Variants in AP2B1 observed in about 807,000 individuals in gnomAD.
AP2B1 encodes AP-2 complex subunit beta.
A neutral mutation model predicts 102.0 loss-of-function variants in AP2B1; 23 were observed. The observed-to-expected ratio is 0.23, with a 90% confidence interval of 0.16 to 0.32. AP2B1 has a LOEUF of 0.32. Among genes scored for constraint, AP2B1 ranks in the 10% least tolerant of loss-of-function variants. The pLI is 1.00. For synonymous variants in AP2B1, 381 were observed against 421.2 expected (o/e 0.90, Z 1.17); for missense variants, 541 against 1,157.4 (o/e 0.47, Z 7.73).
At chr17:35,669,989 T>G (rs898680833) in intron 14 of AP2B1, among the ~76,000 whole-genome samples, 2 of 152,222 alleles carry the variant, frequency 1.3e-5, no homozygotes, top group South Asian at 2.1e-4. Context: ...ATGCCACCTA[T>G]TTTCAGCTTG....
intron 5 of AP2B1, among the ~76,000 whole-genome samples, chr17:35,609,906 A>G (rs942176594): frequency 6.6e-6 from 1 of 152,198 alleles, no homozygotes; most frequent in African/African-American, 2.4e-5. Context: ...GCTTCTGTTT[A>G]TTATCCTTCA....
chr17:35,671,211 C>T (rs1223023972), intron 15 of AP2B1, among the ~76,000 whole-genome samples: 2 of 152,124 alleles, frequency 1.3e-5, no homozygotes, highest in East Asian at 1.9e-4. Context: ...CTGGTGTCAC[C>T]TAGAAAGAAC....
intron 21 of AP2B1, among the ~76,000 whole-genome samples, chr17:35,720,600 T>TTTTTTTTTA (rs2085357461): frequency 1.7e-5 from 2 of 118,068 alleles, no homozygotes; most frequent in Non-Finnish European, 3.4e-5. Context: ...TTTTTTTTTT[T>TTTTTTTTTA]AATATAGAGA....
At chr17:35,642,010 T>G in intron 12 of AP2B1, 35 bp downstream of exon 12, 1 of 1,509,146 alleles carries the variant, frequency 6.6e-7, no homozygotes, top group East Asian at 2.3e-5. Flanking sequence ...TGTTGATTTG[T>G]CTTGTTTCAA....
chr17:35,651,943 C>T (rs548718916), intron 13 of AP2B1, among the ~76,000 whole-genome samples: 27 of 152,122 alleles, frequency 1.8e-4, no homozygotes, highest in Non-Finnish European at 3.7e-4. Flanking sequence ...CTTCAAGTTT[C>T]GATGTAGATA....
At chr17:35,603,223 G>A (rs750448107) in intron 3 of AP2B1, among the ~76,000 whole-genome samples, 10 of 152,208 alleles carry the variant, frequency 6.6e-5, no homozygotes, top group Non-Finnish European at 1.3e-4. Flanking sequence ...TTTCCTTGTG[G>A]AAATACACCT....
intron 18 of AP2B1, among the ~76,000 whole-genome samples, chr17:35,708,455 A>C (rs587763835): frequency 2.6e-5 from 4 of 152,154 alleles, no homozygotes; most frequent in African/African-American, 9.6e-5. Flanking sequence ...AAAAAAACAA[A>C]CAAACAGGAT....
chr17:35,691,090 T>A (rs1022351324), intron 18 of AP2B1, among the ~76,000 whole-genome samples: 1 of 152,118 alleles, frequency 6.6e-6, no homozygotes, highest in African/African-American at 2.4e-5. Flanking sequence ...AATGTCTCTT[T>A]TTTTTTTCTT....
intron 17 of AP2B1, among the ~76,000 whole-genome samples, chr17:35,680,113 G>A (rs962423846): frequency 2.0e-5 from 3 of 151,750 alleles, no homozygotes; most frequent in African/African-American, 4.8e-5. Flanking sequence ...TCACCGTATT[G>A]GCCAGGCTGG....
At chr17:35,617,039 A>G (rs865985690) in intron 5 of AP2B1, among the ~76,000 whole-genome samples, 1 of 152,220 alleles carries the variant, frequency 6.6e-6, no homozygotes, top group African/African-American at 2.4e-5. Context: ...TAAGCCCCTA[A>G]TAATAACAAA....
At chr17:35,720,741 A>G (rs1318146970) in intron 21 of AP2B1, among the ~76,000 whole-genome samples, 4 of 149,244 alleles carry the variant, frequency 2.7e-5, no homozygotes, top group Non-Finnish European at 5.9e-5. Flanking sequence ...CCTGCCCCAT[A>G]TTTTTAAATG....
chr17:35,674,467 C>A lies in AP2B1; in HGVS notation c.2324+146C>A, dbSNP rs1213050067. On this transcript the variant is annotated intron_variant, in intron 17 of 21. Coordinates refer to ENST00000610402, the MANE Select transcript of AP2B1 (RefSeq NM_001030006.2). Reference sequence around the variant, plus strand: ...GCCTATAATCCCAGCATTTGGGAGGCCGAGACGGGCTGATTACCTGAGGTC... The same window carrying A: ...GCCTATAATCCCAGCATTTGGGAGGACGAGACGGGCTGATTACCTGAGGTC... 3.1e-6 allele frequency: 3 copies of A among 975,704 alleles called. No homozygotes were observed. The East Asian group carries it at 7.7e-5, about 25-fold the overall frequency. 60.4% of individuals were successfully genotyped at this position (975,704 alleles called of 1,614,324 possible).
At chr17:35,719,699 G>A (rs587640213) in intron 21 of AP2B1, among the ~76,000 whole-genome samples, 1 of 152,290 alleles carries the variant, frequency 6.6e-6, no homozygotes, top group South Asian at 2.1e-4. Flanking sequence ...ATGTAGTTGT[G>A]AGAAATTATA....
chr17:35,625,377 C>T (rs1056701602), intron 6 of AP2B1, among the ~76,000 whole-genome samples: 2 of 152,226 alleles, frequency 1.3e-5, no homozygotes, highest in East Asian at 3.9e-4. Context: ...GGAAATTGTC[C>T]CTCTGGACTG....
chr17:35,630,365 C>G (rs1282273774), intron 9 of AP2B1, among the ~76,000 whole-genome samples: 1 of 152,214 alleles, frequency 6.6e-6, no homozygotes, highest in African/African-American at 2.4e-5. Context: ...TTTATTACCA[C>G]TGTCACCACA....
intron 14 of AP2B1, chr17:35,659,884 AAT>A (rs2075319188): frequency 1.0e-6 from 1 of 985,244 alleles, no homozygotes; most frequent in Admixed American, 6.2e-5. Context: ...TATGTGGTTA[AAT>A]ATATATTCAC....
At chr17:35,611,154 T>C (rs909136377) in intron 5 of AP2B1, among the ~76,000 whole-genome samples, 2 of 152,210 alleles carry the variant, frequency 1.3e-5, no homozygotes, top group Non-Finnish European at 2.9e-5. Context: ...AACTTGTGTT[T>C]TTGGCATTGC....
chr17:35,714,327 G>A (rs1346598186), intron 20 of AP2B1, among the ~76,000 whole-genome samples: 1 of 152,154 alleles, frequency 6.6e-6, no homozygotes, highest in African/African-American at 2.4e-5. Context: ...CAGTCATAGT[G>A]GTTTTGAACT....
intron 18 of AP2B1, among the ~76,000 whole-genome samples, chr17:35,701,881 C>T (rs587683189): frequency 2.0e-4 from 30 of 152,250 alleles, no homozygotes; most frequent in South Asian, 8.3e-4. Flanking sequence ...TTTGGTCTCC[C>T]ATAGTGCTGG....
Sources: allele counts gnomAD v4.1 joint callset (sites outside exome capture counted in the v4.1 genomes callset), GRCh38; gene constraint gnomAD v4.1.1; transcripts MANE v1.5; gene names NCBI Gene and HGNC (gene_info 2026-07-23, HGNC 2026-07-21).